Variants in SEPTIN7 observed in about 807,000 individuals in gnomAD.
SEPTIN7 encodes the protein septin-7.
SEPTIN7 carries 10 observed loss-of-function variants against 63.3 expected under a neutral mutation model. The observed-to-expected ratio is 0.16, with a 90% CI of 0.10 to 0.27. SEPTIN7 has a LOEUF of 0.27. Among genes scored for constraint, SEPTIN7 ranks in the 10% least tolerant of loss-of-function variants. SEPTIN7 has a pLI of 1.00. For synonymous variants in SEPTIN7, 131 were observed against 165.3 expected (o/e 0.79, Z 1.59); for missense variants, 310 against 521.0 (o/e 0.59, Z 3.94).
intron 3 of SEPTIN7, chr7:35,847,850 A>C (rs1388752222): frequency 6.6e-6 from 1 of 152,240 alleles, no homozygotes; most frequent in Non-Finnish European, 1.5e-5. Context: ...AAAAGTAAGA[A>C]CTTAAAAGAA....
chr7:35,844,660 C>A (rs1457046692), intron 3 of SEPTIN7, among the ~76,000 whole-genome samples: 1 of 151,988 alleles, frequency 6.6e-6, no homozygotes, highest in Admixed American at 6.6e-5. Flanking sequence ...AGTGCAATGG[C>A]GTGATCTCGG....
intron 3 of SEPTIN7, chr7:35,846,762 C>G (rs1156635100): frequency 6.4e-6 from 1 of 155,372 alleles, no homozygotes; most frequent in Non-Finnish European, 1.5e-5. Flanking sequence ...CAAAATTCTA[C>G]TGATTAGACC....
chr7:35,822,646 C>CT (rs1377700020), intron 1 of SEPTIN7, among the ~76,000 whole-genome samples: 1 of 152,170 alleles, frequency 6.6e-6, no homozygotes, highest in Non-Finnish European at 1.5e-5. Flanking sequence ...CAGTTCCTAA[C>CT]AGGCCACAGA....
At position 35,801,059 on chromosome 7, in the gene SEPTIN7, T is replaced by G; in HGVS notation, c.-151T>G. On this transcript the variant is annotated 5_prime_UTR_variant, in exon 1 of 14. Coordinates refer to ENST00000350320, the MANE Select transcript of SEPTIN7 (RefSeq NM_001788.6). ...CGGGGGACGGAGGAGGGAGCGGGAG[T>G]CGAGCGAGAGCCTGTGGAGGAGTCC... 8.0e-6 allele frequency: 4 copies of G among 501,322 alleles called. No homozygotes were observed. Among genetic ancestry groups the G allele is most frequent in the South Asian group, 3.6e-5 (1 of 27,444 alleles). The allele number at this position is 501,322 out of a possible 1,614,324, so 31.1% of individuals were successfully genotyped here.
intron 3 of SEPTIN7, among the ~76,000 whole-genome samples, chr7:35,837,318 T>G (rs1784128768): frequency 6.6e-6 from 1 of 152,196 alleles, no homozygotes; most frequent in South Asian, 2.1e-4. Context: ...AAATTGTGAT[T>G]ATCTTGTGAT....
At chr7:35,884,056 AAGTAG>A in intron 9 of SEPTIN7, 69 bp downstream of exon 9, 1 of 951,136 alleles carries the variant, frequency 1.1e-6, no homozygotes, top group Non-Finnish European at 1.7e-6. Flanking sequence ...TATTTATAGT[AAGTAG>A]TACAGTATGC....
chr7:35,813,460 C>T (rs111280719), intron 1 of SEPTIN7, among the ~76,000 whole-genome samples: 2 of 151,816 alleles, frequency 1.3e-5, no homozygotes. Flanking sequence ...TGGGTTCAAG[C>T]GATTCTCATT....
chr7:35,805,996 A>G (rs1788312939), intron 1 of SEPTIN7, among the ~76,000 whole-genome samples: 1 of 152,214 alleles, frequency 6.6e-6, no homozygotes, highest in African/African-American at 2.4e-5. Flanking sequence ...TGAGCATTGT[A>G]CAGTATTTAC....
chr7:35,824,319 G>A (rs569657090), intron 1 of SEPTIN7, among the ~76,000 whole-genome samples: 16 of 152,102 alleles, frequency 1.1e-4, no homozygotes, highest in South Asian at 6.2e-4. Context: ...ATGCTTCTGG[G>A]AACTCTTTGA....
chr7:35,863,951 CAT>C (rs1373232526), intron 4 of SEPTIN7, among the ~76,000 whole-genome samples: 15 of 148,220 alleles, frequency 1.0e-4, no homozygotes, highest in Admixed American at 4.1e-4. Flanking sequence ...TCATTTGCCA[CAT>C]GTTTAAATAA....
At chr7:35,807,291 C>T (rs1679643939) in intron 1 of SEPTIN7, among the ~76,000 whole-genome samples, 1 of 146,820 alleles carries the variant, frequency 6.8e-6, no homozygotes, top group Non-Finnish European at 1.5e-5. Context: ...TCAAGTGATT[C>T]TCCTGCCTCA....
chr7:35,803,114 A>G (rs6956863), intron 1 of SEPTIN7: 292,351 of 932,000 alleles, frequency 0.31, 46,523 homozygotes, highest in East Asian at 0.4. Flanking sequence ...ATCCTTTAAA[A>G]AGAAAGGATA....
intron 6 of SEPTIN7, among the ~76,000 whole-genome samples, chr7:35,876,708 C>T (rs1441046643): frequency 6.6e-6 from 1 of 152,102 alleles, no homozygotes; most frequent in Non-Finnish European, 1.5e-5. Context: ...GTGGCTCACA[C>T]CTGTAATTCT....
chr7:35,834,644 GAT>G (rs1213148277), intron 3 of SEPTIN7, among the ~76,000 whole-genome samples: 1 of 152,032 alleles, frequency 6.6e-6, no homozygotes, highest in East Asian at 1.9e-4. Flanking sequence ...CATTTGAATA[GAT>G]ATATTGAGTG....
At chr7:35,866,431 A>C (rs1305710553) in intron 4 of SEPTIN7, among the ~76,000 whole-genome samples, 1 of 152,208 alleles carries the variant, frequency 6.6e-6, no homozygotes, top group Middle Eastern at 3.2e-3. Context: ...CAGACATATT[A>C]GACTGGTAAA....
intron 3 of SEPTIN7, among the ~76,000 whole-genome samples, chr7:35,844,334 C>A (rs1193356806): frequency 6.6e-6 from 1 of 152,176 alleles, no homozygotes; most frequent in African/African-American, 2.4e-5. Flanking sequence ...TAGTAACTCA[C>A]TATTGTGTTT....
intron 3 of SEPTIN7, among the ~76,000 whole-genome samples, chr7:35,848,324 G>A (rs1404044255): frequency 1.3e-5 from 2 of 152,010 alleles, no homozygotes; most frequent in Admixed American, 6.5e-5. Flanking sequence ...CTGGAGTACA[G>A]TGGTGTGATC....
In SEPTIN7 at chr7:35,879,864, A is replaced by T; in HGVS notation, c.554A>T (p.Glu185Val). 5 of 1,600,254 alleles carry T rather than the reference A, an allele frequency of 3.1e-6. No homozygotes were observed. Among genetic ancestry groups the T allele is most frequent in the Non-Finnish European group, 4.3e-6 (5 of 1,172,432 alleles). The change falls in exon 7 of 14, where the codon GAA becomes GTA. Residue 185 changes from glutamate to valine, a missense_variant. Physicochemically the swap from Glu to Val is moderately radical, Grantham distance 121. Around this residue, in one of 2 missense-constraint regions of SEPTIN7, gnomAD observed 255 missense variants for 490.5 expected, o/e 0.52. Coordinates refer to ENST00000350320, the MANE Select transcript of SEPTIN7 (RefSeq NM_001788.6). ...ATTGAGTTTATGAAGCGTTTGCATG[A>T]AAAAGTGAATATCATCCCACTTATT... ...LDIEFMKRLHEKVNIIPLIAK... is the reference protein window; with the variant it reads ...LDIEFMKRLHVKVNIIPLIAK...
intron 1 of SEPTIN7, among the ~76,000 whole-genome samples, chr7:35,810,661 A>G (rs1216563302): frequency 6.6e-6 from 1 of 151,962 alleles, no homozygotes; most frequent in Non-Finnish European, 1.5e-5. Flanking sequence ...GGTACGTTTC[A>G]CAGCAGCAGT....
Sources: gnomAD v4.1 joint callset for allele counts (sites outside exome capture counted in the v4.1 genomes callset) on GRCh38, gnomAD v4.1.1 for gene constraint, gnomAD v4.1.1 regional missense constraint, MANE v1.5 for transcripts, NCBI Gene and HGNC (gene_info 2026-07-23, HGNC 2026-07-21) for gene names.